Variants in YWHAE observed in about 807,000 individuals in gnomAD.
YWHAE encodes 14-3-3 protein epsilon.
A neutral mutation model predicts 30.1 loss-of-function variants in YWHAE; 4 were observed. The observed-to-expected ratio is 0.13, with a 90% confidence interval of 0.07 to 0.30. The LOEUF is 0.30. Among genes scored for constraint, YWHAE ranks in the 10% least tolerant of loss-of-function variants. The pLI is 1.00. For synonymous variants in YWHAE, 118 were observed against 111.8 expected (o/e 1.06, Z -0.35); for missense variants, 121 against 315.9 (o/e 0.38, Z 4.68).
At chr17:1,370,778 C>T (rs532620843) in intron 1 of YWHAE, among the ~76,000 whole-genome samples, 3 of 151,954 alleles carry the variant, frequency 2.0e-5, no homozygotes, top group South Asian at 2.1e-4. Context: ...GGGCAGATCA[C>T]GAGGTCAGGA....
intron 1 of YWHAE, among the ~76,000 whole-genome samples, chr17:1,387,640 C>A (rs1351696456): frequency 6.6e-6 from 1 of 151,676 alleles, no homozygotes; most frequent in South Asian, 2.1e-4. Context: ...GGGCAGTAGG[C>A]GGGGATGGAG....
Position 1,366,541 on chromosome 17 carries a change from C to A in YWHAE, c.65-1483G>T, listed in dbSNP as rs144095999. On this transcript the variant is annotated intron_variant, in intron 1 of 5. Transcript: ENST00000264335. ...AGAGCAGACTCCATCTCAAAAAAAA[C>A]CAAAAGAAAGAATCTGCATTTAAAT... Among the ~76,000 whole-genome samples the A allele has an allele frequency of 7.2e-5, 11 of 152,156 alleles. No homozygotes were observed. The East Asian group carries it at 1.3e-3, about 19-fold the overall frequency.
At chr17:1,376,433 A>C (rs1230483305) in intron 1 of YWHAE, among the ~76,000 whole-genome samples, 1 of 152,072 alleles carries the variant, frequency 6.6e-6, no homozygotes, top group Non-Finnish European at 1.5e-5. Context: ...AAAGAAGTTC[A>C]CTCCTGCTTA....
intron 4 of YWHAE, among the ~76,000 whole-genome samples, chr17:1,357,807 A>C (rs565980439): frequency 6.7e-6 from 1 of 150,192 alleles, no homozygotes. Context: ...GGCGTCTGTA[A>C]TCCCAGCTAC....
chr17:1,383,389 C>CTT (rs550620060), intron 1 of YWHAE, among the ~76,000 whole-genome samples: 37,386 of 137,580 alleles, frequency 0.27, 5,252 homozygotes, highest in South Asian at 0.37. Context: ...TACTGTTTAA[C>CTT]TTTTTTTTTT....
chr17:1,379,005 C>T (rs1258221936), intron 1 of YWHAE, among the ~76,000 whole-genome samples: 1 of 151,868 alleles, frequency 6.6e-6, no homozygotes, highest in Non-Finnish European at 1.5e-5. Flanking sequence ...AAAACATTCT[C>T]AGATGGCTAA....
rs532374494 is a variant in YWHAE, at chr17:1,379,492, A to T, written c.65-14434T>A. Among the ~76,000 whole-genome samples the T allele has an allele frequency of 5.3e-5, 8 of 152,368 alleles. No individual in the cohort carries two copies. In the East Asian group the frequency reaches 1.3e-3, roughly 26 times the overall value. ...GAAAGCAAGACTCTGCCTCAAAAGA[A>T]GATTTCATACATGCAAAACTTCTAA... On this transcript the variant is annotated intron_variant, in intron 1 of 5. Transcript: ENST00000264335.
chr17:1,392,637 G>A (rs1259006788), intron 1 of YWHAE, among the ~76,000 whole-genome samples: 1 of 151,750 alleles, frequency 6.6e-6, no homozygotes, highest in African/African-American at 2.4e-5. Flanking sequence ...ACTACCTGAG[G>A]TCAGGAGTTG....
At chr17:1,359,783 C>G (rs1223571621) in intron 4 of YWHAE, among the ~76,000 whole-genome samples, 1 of 150,136 alleles carries the variant, frequency 6.7e-6, no homozygotes, top group Admixed American at 6.7e-5. Context: ...TTACACAACA[C>G]TGTCAATGTA....
At chr17:1,349,566 C>G (rs1364427547) in intron 5 of YWHAE, among the ~76,000 whole-genome samples, 1 of 151,928 alleles carries the variant, frequency 6.6e-6, no homozygotes, top group African/African-American at 2.4e-5. Flanking sequence ...CAAATTTAAT[C>G]AACTGATTTA....
chr17:1,395,800 T>C (rs964773276), intron 1 of YWHAE, among the ~76,000 whole-genome samples: 3 of 152,182 alleles, frequency 2.0e-5, no homozygotes, highest in African/African-American at 7.2e-5. Context: ...ATAAGCTAGC[T>C]AGAGATGAGG....
In YWHAE at chr17:1,390,471, ATCTGACCTT is replaced by A. The variant is rs565485464; in HGVS notation, c.64+9567_64+9575del. On this transcript the variant is annotated intron_variant, in intron 1 of 5. Coordinates refer to ENST00000264335, the MANE Select transcript of YWHAE (RefSeq NM_006761.5). ...TAGCACAGCAGTAACAAAAACAATT[ATCTGACCTT>A]TCACATTAGATAAGAATGTTTCACA... Among the ~76,000 whole-genome samples the A allele has an allele frequency of 2.4e-4, 36 of 152,322 alleles. No homozygotes were observed. In the South Asian group the frequency reaches 7.5e-3, roughly 32 times the overall value.
At chr17:1,397,392 G>C (rs1183960182) in intron 1 of YWHAE, among the ~76,000 whole-genome samples, 1 of 152,124 alleles carries the variant, frequency 6.6e-6, no homozygotes, top group Non-Finnish European at 1.5e-5. Context: ...AATATTTCCT[G>C]TGACCCAAAA....
chr17:1,397,917 T>C (rs1460767867), intron 1 of YWHAE, among the ~76,000 whole-genome samples: 2 of 152,142 alleles, frequency 1.3e-5, no homozygotes, highest in African/African-American at 4.8e-5. Context: ...CATTAACAAC[T>C]GTAATAATGT....
At chr17:1,354,635 T>C (rs2072697055) in intron 4 of YWHAE, among the ~76,000 whole-genome samples, 1 of 152,192 alleles carries the variant, frequency 6.6e-6, no homozygotes. Context: ...CTCCAAGTTC[T>C]AGGCAATAGT....
At chr17:1,370,422 C>G (rs987533186) in intron 1 of YWHAE, among the ~76,000 whole-genome samples, 1 of 151,776 alleles carries the variant, frequency 6.6e-6, no homozygotes, top group African/African-American at 2.4e-5. Flanking sequence ...TGAGCCACCG[C>G]GACTGGCCAG....
chr17:1,375,098 G>C (rs1003146233), intron 1 of YWHAE, among the ~76,000 whole-genome samples: 2 of 152,132 alleles, frequency 1.3e-5, no homozygotes, highest in Admixed American at 6.6e-5. Flanking sequence ...ACTCCTTCAA[G>C]AGTATGGAAA....
intron 1 of YWHAE, among the ~76,000 whole-genome samples, chr17:1,394,444 A>AAAAAAAAAAAAAAAAAAAAAAC (rs1567987784): frequency 7.2e-6 from 1 of 139,740 alleles, no homozygotes; most frequent in African/African-American, 2.9e-5. Context: ...CACAAAAAAA[A>AAAAAAAAAAAAAAAAAAAAAAC]AAAAAAAAAA....
rs985529546 is a variant in YWHAE at position 1,372,041 on chromosome 17, T to C, written c.65-6983A>G. 2.0e-5 allele frequency among the ~76,000 whole-genome samples: 3 copies of C among 152,164 alleles called. No individual in the cohort carries two copies. In the East Asian group the frequency reaches 5.8e-4, roughly 29 times the overall value. On this transcript the variant is annotated intron_variant, in intron 1 of 5. Transcript: ENST00000264335. The stretch of plus-strand genomic sequence containing the variant: ...TTTTAGTACAGGCAGGGTTTCACCA[T>C]GTTGGCCAGGCTGGTCTCAAACTCC...
Sources: gnomAD v4.1 joint callset for allele counts (sites outside exome capture counted in the v4.1 genomes callset) on GRCh38, gnomAD v4.1.1 for gene constraint, MANE v1.5 for transcripts, NCBI Gene and HGNC (gene_info 2026-07-23, HGNC 2026-07-21) for gene names.